The following CSMD1 variants were observed in gnomAD, a reference collection of about 807,000 sequenced individuals.
CSMD1 encodes the protein CUB and sushi domain-containing protein 1.
A neutral mutation model predicts 417.5 loss-of-function variants in CSMD1; 213 were observed. The ratio of observed to expected loss-of-function variants is 0.51; its 90% CI spans 0.46 to 0.57. The LOEUF is 0.57. CSMD1 is among the 20% of genes least tolerant of loss of function. The probability of loss-of-function intolerance (pLI) is 0.00; values close to 1 mark genes in which losing one functional copy is unlikely to be tolerated. For missense variants in CSMD1, 6,923 were observed against 4,529.7 expected (o/e 1.53, Z -15.17); for synonymous variants, 2,862 against 1,736.8 (o/e 1.65, Z -16.11).
intron 3 of CSMD1, among the ~76,000 whole-genome samples, chr8:4,081,572 A>G (rs1800135343): frequency 6.6e-6 from 1 of 152,140 alleles, no homozygotes. Context: ...GACCTAGTTG[A>G]CCCAGAACAC....
intron 1 of CSMD1, among the ~76,000 whole-genome samples, chr8:4,808,103 A>G (rs955976606): frequency 4.6e-5 from 7 of 152,294 alleles, no homozygotes; most frequent in South Asian, 2.1e-4. Context: ...CTTACTTGCA[A>G]TTATGTTTCC....
chr8:3,605,679 G>C (rs577957449), intron 8 of CSMD1, among the ~76,000 whole-genome samples: 21 of 152,160 alleles, frequency 1.4e-4, no homozygotes, highest in African/African-American at 5.1e-4. Context: ...TGGTATCCTC[G>C]AGATAAAAAT....
At chr8:4,974,965 T>C (rs1810465586) in intron 1 of CSMD1, among the ~76,000 whole-genome samples, 1 of 152,178 alleles carries the variant, frequency 6.6e-6, no homozygotes, top group African/African-American at 2.4e-5. Context: ...TAGATTCAAG[T>C]CGAAATTTTA....
chr8:4,377,218 G>A (rs941206203), intron 3 of CSMD1, among the ~76,000 whole-genome samples: 2 of 152,182 alleles, frequency 1.3e-5, no homozygotes, highest in Non-Finnish European at 2.9e-5. Context: ...GAGCGCAAAA[G>A]AGGAAAATAA....
chr8:3,277,243 A>G (rs1270050288), intron 26 of CSMD1, among the ~76,000 whole-genome samples: 1 of 152,096 alleles, frequency 6.6e-6, no homozygotes, highest in Non-Finnish European at 1.5e-5. Context: ...AGTGGGGAGA[A>G]TGAGAAGTCA....
At chr8:4,292,468 G>T (rs1751835624) in intron 3 of CSMD1, among the ~76,000 whole-genome samples, 1 of 152,040 alleles carries the variant, frequency 6.6e-6, no homozygotes, top group African/African-American at 2.4e-5. Context: ...TAGTCAGAAT[G>T]GTCTCGATCT....
At chr8:3,965,608 C>A (rs1019649219) in intron 5 of CSMD1, among the ~76,000 whole-genome samples, 1 of 151,392 alleles carries the variant, frequency 6.6e-6, no homozygotes, top group African/African-American at 2.4e-5. Flanking sequence ...TTTAAAATTT[C>A]TTTTTATTTA....
chr8:3,926,086 C>CACACACACACACACACACAAACACCAT (rs1809670405), intron 5 of CSMD1, among the ~76,000 whole-genome samples: 1 of 16,150 alleles, frequency 6.2e-5, no homozygotes, highest in Non-Finnish European at 1.1e-4. Context: ...ACACCATACA[C>CACACACACACACACACACAAACACCAT]ACACACACAC....
At chr8:4,693,371 A>T (rs1806901844) in intron 1 of CSMD1, among the ~76,000 whole-genome samples, 1 of 152,174 alleles carries the variant, frequency 6.6e-6, no homozygotes, top group Non-Finnish European at 1.5e-5. Context: ...TAGAGTGGAG[A>T]AAACAGCTGG....
intron 40 of CSMD1, among the ~76,000 whole-genome samples, chr8:3,147,777 A>C (rs1205653495): frequency 6.6e-6 from 1 of 152,340 alleles, no homozygotes; most frequent in African/African-American, 2.4e-5. Context: ...TTCAAAGGAA[A>C]TATTGTTTAA....
At position 4,113,692 on chromosome 8, in the gene CSMD1, C is replaced by T. The variant is rs956569538; in HGVS notation, c.416-81593G>A. ...GTGCTAGGATTACAGGCATGAGCCA[C>T]CGCGCCCAGCCAGTGCTACTCTTAT... is the stretch of plus-strand genomic sequence containing the variant. On this transcript the variant is annotated intron_variant, in intron 3 of 69. Coordinates refer to ENST00000635120, the MANE Select transcript of CSMD1 (RefSeq NM_033225.6). Among the ~76,000 whole-genome samples, 6 of 152,170 alleles carry T rather than the reference C, an allele frequency of 3.9e-5. 1 individual carries two copies. Among genetic ancestry groups the T allele is most frequent in the Admixed American group, 2.0e-4 (3 of 15,262 alleles).
intron 2 of CSMD1, among the ~76,000 whole-genome samples, chr8:4,554,007 G>A (rs576536545): frequency 6.6e-6 from 1 of 152,176 alleles, no homozygotes; most frequent in East Asian, 1.9e-4. Flanking sequence ...AAGCTTAGTA[G>A]ACCTTGCGAT....
intron 5 of CSMD1, among the ~76,000 whole-genome samples, chr8:3,941,129 A>G (rs1340915801): frequency 2.6e-5 from 4 of 152,118 alleles, no homozygotes; most frequent in East Asian, 3.9e-4. Flanking sequence ...ACTCATATGT[A>G]TACAGTTAAG....
chr8:4,098,705 T>TAAA (rs1362329732), intron 3 of CSMD1, among the ~76,000 whole-genome samples: 3 of 152,222 alleles, frequency 2.0e-5, no homozygotes, highest in Non-Finnish European at 4.4e-5. Flanking sequence ...CTGTAGCACC[T>TAAA]ACTCTAGGTT....
intron 7 of CSMD1, among the ~76,000 whole-genome samples, chr8:3,642,219 T>C (rs1198599609): frequency 1.3e-5 from 2 of 151,632 alleles, no homozygotes; most frequent in African/African-American, 4.8e-5. Flanking sequence ...TAAAAATATG[T>C]ATTAAATGGT....
At chr8:4,417,170 C>T (rs1585042551) in intron 3 of CSMD1, among the ~76,000 whole-genome samples, 2 of 151,988 alleles carry the variant, frequency 1.3e-5, no homozygotes, top group Admixed American at 1.3e-4. Flanking sequence ...AAGTCAAATA[C>T]TGTAAATAAT....
intron 7 of CSMD1, among the ~76,000 whole-genome samples, chr8:3,672,305 T>G (rs1437173219): frequency 1.3e-5 from 2 of 152,144 alleles, no homozygotes; most frequent in Non-Finnish European, 2.9e-5. Flanking sequence ...AGTCTGAGAA[T>G]CCTAAGGTTC....
At chr8:4,410,025 G>C (rs531079355) in intron 3 of CSMD1, among the ~76,000 whole-genome samples, 17 of 152,156 alleles carry the variant, frequency 1.1e-4, no homozygotes, top group Admixed American at 9.8e-4. Context: ...TGTTGGCCAA[G>C]ATGGTATCAA....
intron 1 of CSMD1, among the ~76,000 whole-genome samples, chr8:4,723,512 A>G (rs1398272404): frequency 2.6e-5 from 4 of 152,184 alleles, no homozygotes; most frequent in Admixed American, 1.3e-4. Context: ...TGTATCTTGT[A>G]GGATCTGTGT....
Sources: allele counts gnomAD v4.1 joint callset (sites outside exome capture counted in the v4.1 genomes callset), GRCh38; gene constraint gnomAD v4.1.1; transcripts MANE v1.5; gene names NCBI Gene and HGNC (gene_info 2026-07-23, HGNC 2026-07-21).